The following IMPG2 variants were observed in gnomAD, a reference collection of about 807,000 sequenced individuals.
IMPG2 encodes the protein interphotoreceptor matrix proteoglycan 2.
A neutral mutation model predicts 129.2 loss-of-function variants in IMPG2; 91 were observed. The ratio of observed to expected loss-of-function variants is 0.70; its 90% CI spans 0.59 to 0.84. The LOEUF is 0.84. Ranked by LOEUF, IMPG2 falls within the 40% of genes least tolerant of loss-of-function variation. The pLI is 0.00. For missense variants in IMPG2, 1,430 were observed against 1,461.7 expected (o/e 0.98, Z 0.35); for synonymous variants, 510 against 517.7 (o/e 0.99, Z 0.20).
chr3:101,311,549 T>G (rs1413102425), intron 2 of IMPG2, among the ~76,000 whole-genome samples: 1 of 152,068 alleles, frequency 6.6e-6, no homozygotes, highest in Admixed American at 6.6e-5. Context: ...AACCAAAAAA[T>G]TATTTTAAAA....
At chr3:101,228,281 A>C (rs1052429687) in intron 18 of IMPG2, among the ~76,000 whole-genome samples, 1 of 152,232 alleles carries the variant, frequency 6.6e-6, no homozygotes, top group Non-Finnish European at 1.5e-5. Context: ...TTTGTAATTC[A>C]AAGCATACTG....
At chr3:101,264,245 C>CA (rs1478242020) in intron 9 of IMPG2, among the ~76,000 whole-genome samples, 3 of 151,780 alleles carry the variant, frequency 2.0e-5, no homozygotes, top group African/African-American at 7.3e-5. Flanking sequence ...ACGTACCTGA[C>CA]AAAAATTGAA....
chr3:101,270,025 G>A (rs1706764553), intron 7 of IMPG2, among the ~76,000 whole-genome samples: 1 of 147,882 alleles, frequency 6.8e-6, no homozygotes, highest in South Asian at 2.1e-4. Flanking sequence ...CCACCTTCCA[G>A]GTTCAAGCAA....
chr3:101,246,220 G>A (rs1190845685), intron 11 of IMPG2, 115 bp from the exon 12 acceptor site: 4 of 939,208 alleles, frequency 4.3e-6, no homozygotes, highest in South Asian at 1.7e-5. Flanking sequence ...AGGAGGCGGT[G>A]TATTAATAAT....
At chr3:101,230,799 T>C (rs536621712) in intron 16 of IMPG2, among the ~76,000 whole-genome samples, 158 bp downstream of exon 16, 11 of 152,304 alleles carry the variant, frequency 7.2e-5, no homozygotes, top group African/African-American at 1.9e-4. Flanking sequence ...TTTCTTCAAT[T>C]TGACACCCCT....
chr3:101,310,963 T>C (rs1707258426), intron 2 of IMPG2, among the ~76,000 whole-genome samples: 1 of 152,204 alleles, frequency 6.6e-6, no homozygotes, highest in Admixed American at 6.5e-5. Flanking sequence ...TTCATTCTTT[T>C]AAGTTACATT....
At chr3:101,319,485 C>T in intron 2 of IMPG2, 99 bp downstream of exon 2, 5 of 1,448,584 alleles carry the variant, frequency 3.5e-6, no homozygotes, top group Non-Finnish European at 4.8e-6. Context: ...TCAGTCCTGT[C>T]TAAATTATCG....
chr3:101,256,019 G>A (rs1326281829), intron 10 of IMPG2, among the ~76,000 whole-genome samples: 1 of 148,338 alleles, frequency 6.7e-6, no homozygotes, highest in Non-Finnish European at 1.5e-5. Flanking sequence ...AGCCAAAATA[G>A]TTGAAAGCAA....
intron 4 of IMPG2, among the ~76,000 whole-genome samples, chr3:101,277,894 G>T (rs968328617): frequency 6.6e-6 from 1 of 152,176 alleles, no homozygotes; most frequent in Non-Finnish European, 1.5e-5. Flanking sequence ...CTTTTCCAAA[G>T]ATATTGGATC....
intron 2 of IMPG2, among the ~76,000 whole-genome samples, chr3:101,305,446 C>A (rs964969887): frequency 6.6e-6 from 1 of 151,964 alleles, no homozygotes; most frequent in Admixed American, 6.6e-5. Flanking sequence ...ATAGAATGTA[C>A]AACACAAAAA....
At chr3:101,229,732 A>G in intron 16 of IMPG2, 142 bp from the exon 17 acceptor site, 2 of 757,622 alleles carry the variant, frequency 2.6e-6, no homozygotes, top group East Asian at 2.7e-5. Flanking sequence ...AAAAACATCT[A>G]GATCAACCTC....
At chr3:101,295,962 C>A (rs768890517) in intron 3 of IMPG2, among the ~76,000 whole-genome samples, 7 of 152,176 alleles carry the variant, frequency 4.6e-5, no homozygotes, top group Non-Finnish European at 1.0e-4. Flanking sequence ...AGTTCTGGGG[C>A]TGAGACAATG....
chr3:101,304,598 C>T (rs1707169808), intron 2 of IMPG2, among the ~76,000 whole-genome samples: 1 of 152,118 alleles, frequency 6.6e-6, no homozygotes, highest in Non-Finnish European at 1.5e-5. Context: ...CATGTTTATA[C>T]TTCACAAAAG....
chr3:101,227,409 G>A (rs371280335), intron 18 of IMPG2, among the ~76,000 whole-genome samples: 1 of 152,174 alleles, frequency 6.6e-6, no homozygotes, highest in South Asian at 2.1e-4. Flanking sequence ...GTATTTTAAT[G>A]TTAGACAGTG....
At chr3:101,241,971 G>A (rs1706412971) in intron 14 of IMPG2, among the ~76,000 whole-genome samples, 1 of 151,964 alleles carries the variant, frequency 6.6e-6, no homozygotes, top group Non-Finnish European at 1.5e-5. Context: ...AGAGGTTGCA[G>A]TGAGCCAAGG....
At chr3:101,308,783 G>A (rs1176808484) in intron 2 of IMPG2, among the ~76,000 whole-genome samples, 1 of 152,186 alleles carries the variant, frequency 6.6e-6, no homozygotes, top group Non-Finnish European at 1.5e-5. Flanking sequence ...CTATCACATT[G>A]TCAGGCTGCA....
chr3:101,277,646 A>G (rs1706852059), intron 4 of IMPG2, among the ~76,000 whole-genome samples: 1 of 152,226 alleles, frequency 6.6e-6, no homozygotes, highest in Admixed American at 6.5e-5. Context: ...GCTAACAGGC[A>G]TCAGGTCTCC....
Position 101,267,527 on chromosome 3 carries a change from G to A in IMPG2, c.892C>T (p.Pro298Ser). ...KEIRVLEFRSPKENDSGVDVY... is the reference protein window; with the variant it reads ...KEIRVLEFRSSKENDSGVDVY... The stretch of plus-strand genomic sequence containing the variant: ...AAAAAGTACCTGTCATTTTCCTTGG[G>A]GGACCTGAAAACAAAAATTAAAAAT... Residue 298 changes from proline to serine, a missense_variant, in exon 9 of 19, where the codon CCC (proline) becomes TCC (serine). Pro to Ser is a moderately conservative substitution (Grantham distance 74, BLOSUM62 -1). Transcript: ENST00000193391. The A allele has an allele frequency of 1.2e-6, 2 of 1,610,914 alleles. No homozygotes were observed.
At chr3:101,292,352 A>G (rs1707027607) in intron 3 of IMPG2, among the ~76,000 whole-genome samples, 1 of 152,226 alleles carries the variant, frequency 6.6e-6, no homozygotes, top group Admixed American at 6.5e-5. Flanking sequence ...AATAAAGCAA[A>G]TATCCCAATA....
Sources: allele counts gnomAD v4.1 joint callset (sites outside exome capture counted in the v4.1 genomes callset), GRCh38; gene constraint gnomAD v4.1.1; transcripts MANE v1.5; gene names NCBI Gene and HGNC (gene_info 2026-07-23, HGNC 2026-07-21).